The following LPXN variants were observed in gnomAD, a reference collection of about 807,000 sequenced individuals.
LPXN encodes leupaxin.
In LPXN, 28 loss-of-function variants were observed where a neutral mutation model predicts 45.6. The ratio of observed to expected loss-of-function variants is 0.61; its 90% CI spans 0.45 to 0.84. The LOEUF is 0.84. Among genes scored for constraint, LPXN ranks in the 40% least tolerant of loss-of-function variants. The pLI, the probability that LPXN is intolerant of heterozygous loss-of-function variation, is 0.00. For synonymous variants in LPXN, 166 were observed against 169.9 expected (o/e 0.98, Z 0.18); for missense variants, 459 against 475.0 (o/e 0.97, Z 0.31).
intron 3 of LPXN, among the ~76,000 whole-genome samples, chr11:58,557,952 T>A (rs1854258138): frequency 6.6e-6 from 1 of 152,074 alleles, no homozygotes; most frequent in Non-Finnish European, 1.5e-5. Context: ...ATATAATTAT[T>A]CAAGCTAATT....
chr11:58,536,759 A>G (rs1050108681), intron 7 of LPXN, among the ~76,000 whole-genome samples: 2 of 152,158 alleles, frequency 1.3e-5, no homozygotes, highest in Admixed American at 6.5e-5. Flanking sequence ...CAATCTATCC[A>G]TCTGACAAAG....
intron 5 of LPXN, 70 bp from the exon 6 acceptor site, chr11:58,550,216 C>G (rs948917301): frequency 7.1e-7 from 1 of 1,399,642 alleles, no homozygotes; most frequent in African/African-American, 1.4e-5. Flanking sequence ...TTGCACAACT[C>G]TAGGGAGCAC....
rs1248779095 is a variant in LPXN at position 58,527,460 on chromosome 11, T to C, written c.1155A>G (p.Pro385=). The change falls in exon 9 of 9, where the codon CCA becomes CCG. Residue 385 remains proline, a synonymous_variant. Transcript: ENST00000395074. The stretch of plus-strand genomic sequence containing the variant: ...GGCTATGGATCAGTTGGCATTACAG[T>C]GGGAAGAGCTTATTGAAGCAAGGTT... The part of the protein sequence containing the change: ...YCQPCFNKLF[P]L 5.6e-6 allele frequency: 9 copies of C among 1,614,082 alleles called. No homozygotes were observed.
At position 58,564,164 on chromosome 11, in the gene LPXN, T is replaced by C; in HGVS notation, c.209A>G (p.Asn70Ser). Residue 70 changes from asparagine (N) to serine (S), a missense_variant, in exon 3 of 9, where the codon AAT (asparagine) becomes AGT (serine). Coordinates refer to ENST00000395074, the MANE Select transcript of LPXN (RefSeq NM_004811.3). ...LVYTTNIQEL[N>S]VYSEAQEPKE... Reference sequence around the variant, plus strand: ...ATAGAAAAAAAAATACCTGTAGACATTGAGCTCCTGGATATTGGTAGTATA... The same window carrying C: ...ATAGAAAAAAAAATACCTGTAGACACTGAGCTCCTGGATATTGGTAGTATA... 1 of 1,596,902 alleles carries C rather than the reference T, an allele frequency of 6.3e-7. No homozygotes were observed. Among genetic ancestry groups the C allele is most frequent in the Non-Finnish European group, 8.6e-7 (1 of 1,168,696 alleles).
chr11:58,574,543 A>G (rs981509210), intron 1 of LPXN, among the ~76,000 whole-genome samples: 3 of 152,118 alleles, frequency 2.0e-5, no homozygotes, highest in Non-Finnish European at 2.9e-5. Context: ...ATTTGCCATG[A>G]AAGCCTTTCG....
intron 2 of LPXN, among the ~76,000 whole-genome samples, chr11:58,567,469 T>C (rs1854558667): frequency 6.6e-6 from 1 of 152,216 alleles, no homozygotes; most frequent in Non-Finnish European, 1.5e-5. Flanking sequence ...GGAAAATCAC[T>C]CATTAATTAT....
chr11:58,568,403 G>C (rs927800753), intron 2 of LPXN, among the ~76,000 whole-genome samples: 76 of 152,248 alleles, frequency 5.0e-4, no homozygotes, highest in African/African-American at 1.6e-3. Context: ...AGGAGTACAA[G>C]ACCAGCCTAG....
chr11:58,557,990 T>G (rs902998937), intron 3 of LPXN, among the ~76,000 whole-genome samples: 1 of 151,986 alleles, frequency 6.6e-6, no homozygotes, highest in African/African-American at 2.4e-5. Flanking sequence ...ATTTATGGGA[T>G]AGAACACTCA....
At chr11:58,564,385 A>G (rs536260120) in intron 2 of LPXN, among the ~76,000 whole-genome samples, 184 bp from the exon 3 acceptor site, 1 of 152,336 alleles carries the variant, frequency 6.6e-6, no homozygotes, top group Non-Finnish European at 1.5e-5. Flanking sequence ...AAGAAAAGCC[A>G]AATTCTAAAC....
At chr11:58,564,972 C>T (rs1017596730) in intron 2 of LPXN, among the ~76,000 whole-genome samples, 1 of 152,098 alleles carries the variant, frequency 6.6e-6, no homozygotes, top group African/African-American at 2.4e-5. Flanking sequence ...ATCTGTGGAA[C>T]CACGAGAAGG....
At chr11:58,559,634 AGG>A (rs1854312277) in intron 3 of LPXN, among the ~76,000 whole-genome samples, 1 of 152,156 alleles carries the variant, frequency 6.6e-6, no homozygotes, top group African/African-American at 2.4e-5. Flanking sequence ...CTAGCACTTC[AGG>A]AGGCTGAGGT....
intron 7 of LPXN, among the ~76,000 whole-genome samples, chr11:58,538,882 A>G (rs1429351810): frequency 6.6e-6 from 1 of 152,136 alleles, no homozygotes; most frequent in Non-Finnish European, 1.5e-5. Context: ...ATGCCTTTGG[A>G]AAGCAAGATT....
chr11:58,557,419 T>G (rs543885546), intron 3 of LPXN, among the ~76,000 whole-genome samples: 1 of 152,308 alleles, frequency 6.6e-6, no homozygotes, highest in South Asian at 2.1e-4. Context: ...ATAGCATTGA[T>G]GAATTGGAAG....
At chr11:58,560,061 A>G (rs963230957) in intron 3 of LPXN, among the ~76,000 whole-genome samples, 2 of 152,214 alleles carry the variant, frequency 1.3e-5, no homozygotes, top group Non-Finnish European at 2.9e-5. Context: ...CACCCTATGT[A>G]TACATTTCCA....
At chr11:58,530,284 G>A (rs1465241408) in intron 7 of LPXN, among the ~76,000 whole-genome samples, 3 of 152,220 alleles carry the variant, frequency 2.0e-5, no homozygotes, top group Non-Finnish European at 2.9e-5. Context: ...AGCCCAGCAA[G>A]CTAAGATCCA....
intron 7 of LPXN, among the ~76,000 whole-genome samples, chr11:58,544,053 T>C (rs1853810729): frequency 6.6e-6 from 1 of 152,170 alleles, no homozygotes; most frequent in African/African-American, 2.4e-5. Flanking sequence ...CCTACAGATC[T>C]GAATCTAAAC....
At chr11:58,535,201 C>T (rs539066875) in intron 7 of LPXN, among the ~76,000 whole-genome samples, 10 of 152,068 alleles carry the variant, frequency 6.6e-5, no homozygotes, top group Non-Finnish European at 1.2e-4. Flanking sequence ...TACCAAAACA[C>T]GGCAGAGACA....
At chr11:58,563,461 AG>A (rs1370987050) in intron 3 of LPXN, among the ~76,000 whole-genome samples, 2 of 152,220 alleles carry the variant, frequency 1.3e-5, no homozygotes, top group Non-Finnish European at 2.9e-5. Flanking sequence ...GGTGTGATCT[AG>A]CACTGTTTCC....
upstream of LPXN, among the ~76,000 whole-genome samples, chr11:58,577,100 C>CT (rs1017898258): frequency 2.4e-3 from 351 of 144,258 alleles, no homozygotes; most frequent in African/African-American, 6.9e-3. Context: ...CCCACAGTGG[C>CT]TTTTTTTTTT....
Sources: gnomAD v4.1 joint callset for allele counts (sites outside exome capture counted in the v4.1 genomes callset) on GRCh38, gnomAD v4.1.1 for gene constraint, MANE v1.5 for transcripts, NCBI Gene and HGNC (gene_info 2026-07-23, HGNC 2026-07-21) for gene names.